The following ITFG2 variants were observed in gnomAD, a reference collection of about 807,000 sequenced individuals.
The protein encoded by ITFG2 is KICSTOR complex protein ITFG2.
Under a neutral mutation model 54.4 loss-of-function variants are expected in ITFG2, and 36 were observed. The observed-to-expected ratio is 0.66, with a 90% CI of 0.51 to 0.87. The LOEUF (loss-of-function observed/expected upper bound fraction) is 0.87, where lower values mean the gene tolerates loss of function less well. Ranked by LOEUF, ITFG2 falls within the 40% of genes least tolerant of loss-of-function variation. The probability of loss-of-function intolerance (pLI) is 0.00; values close to 1 mark genes in which losing one functional copy is unlikely to be tolerated. For synonymous variants in ITFG2, 211 were observed against 225.4 expected (o/e 0.94, Z 0.57); for missense variants, 524 against 576.7 (o/e 0.91, Z 0.94).
chr12:2,838,678 AAGCAAGT>A (rs2098034109), intron 1 of ITFG2, among the ~76,000 whole-genome samples: 3 of 152,138 alleles, frequency 2.0e-5, no homozygotes. Flanking sequence ...TCTGTAACCC[AAGCAAGT>A]ACTGTCTCAC....
In ITFG2 at chr12:2,812,873, C is replaced by A; in HGVS notation, c.96+17C>A. On this transcript the variant is annotated intron_variant, in intron 1 of 11. Transcript: ENST00000228799. ...AACGATACGGTAGGTGCATGCGCAC[C>A]GCAAGAGACAGCCTGGATCTGTGCA... 2.5e-6 allele frequency: 4 copies of A among 1,593,546 alleles called. No homozygotes were observed. The highest frequency in any genetic ancestry group is 3.4e-6 in the Non-Finnish European group (4 of 1,164,572).
chr12:2,851,348 T>C (rs1444345914), intron 2 of ITFG2, among the ~76,000 whole-genome samples: 1 of 152,084 alleles, frequency 6.6e-6, no homozygotes, highest in African/African-American at 2.4e-5. Flanking sequence ...ACTAAATTTA[T>C]TTATTTATTT....
Position 2,843,685 on chromosome 12 carries a change from C to T in ITFG2, n.300+2690C>T, listed in dbSNP as rs190643441. Among the ~76,000 whole-genome samples, 71 of 152,218 alleles carry T rather than the reference C, an allele frequency of 4.7e-4. 1 individual carries two copies. Among genetic ancestry groups the T allele is most frequent in the Non-Finnish European group, 8.5e-4 (58 of 67,996 alleles). ...AAAATTAGGTGGGCATGGTGGCGTG[C>T]GCCCATAGTCCCAGCTACTCAGGAA... On this transcript the variant is annotated intron_variant and non_coding_transcript_variant, in intron 2 of 3. Transcript: ENST00000537710.
chr12:2,857,084 A>G (rs1412876411), intron 2 of ITFG2: 2 of 702,676 alleles, frequency 2.8e-6, no homozygotes, highest in Admixed American at 2.0e-5. Flanking sequence ...TTCTGGCACC[A>G]TTGTTTACTC....
intron 3 of ITFG2, chr12:2,858,743 G>T (rs759483249): frequency 2.0e-5 from 33 of 1,614,122 alleles, no homozygotes; most frequent in Non-Finnish European, 2.8e-5. Flanking sequence ...TGCTGAGGCT[G>T]TCATTCATTG....
chr12:2,846,043 C>T (rs757411996), intron 2 of ITFG2, among the ~76,000 whole-genome samples: 12 of 152,122 alleles, frequency 7.9e-5, no homozygotes, highest in Admixed American at 2.6e-4. Context: ...CCCGGAAGGT[C>T]GCGTGCTTGC....
At chr12:2,826,480 G>C, downstream of ITFG2, 1 of 152,150 alleles carries the variant, frequency 6.6e-6, no homozygotes, top group East Asian at 1.9e-4. Flanking sequence ...GGCTCGGTGG[G>C]TACAAAAAGC....
At position 2,824,638 on chromosome 12, in the gene ITFG2, CGTTAGTAATT is replaced by C. The variant is rs1476319136; in HGVS notation, c.*450_*459del. ...CCGTGGCACAATTCCAAGTTCTTGA[CGTTAGTAATT>C]GTTAAAGGAATGGCAAACTGTTTTG... is the stretch of plus-strand genomic sequence containing the variant. On this transcript the variant is annotated 3_prime_UTR_variant, in exon 12 of 12. Transcript: ENST00000228799. The C allele has an allele frequency of 1.0e-5, 2 of 194,560 alleles. No homozygotes were observed. The highest frequency in any genetic ancestry group is 4.7e-5 in the African/African-American group (2 of 42,914). The allele number at this position is 194,560 out of a possible 1,614,324, so 12.1% of individuals were successfully genotyped here. A position where few individuals can be genotyped will look rare whatever the true frequency, so the allele number is the denominator to read the frequency against.
At chr12:2,855,179 T>C in intron 2 of ITFG2, 1 of 1,507,136 alleles carries the variant, frequency 6.6e-7, no homozygotes, top group Non-Finnish European at 8.9e-7. Context: ...TCGTAGGGCC[T>C]GTCAGGCTGG....
At chr12:2,834,839 C>T (rs1482050857), upstream of ITFG2, 6 of 1,613,606 alleles carry the variant, frequency 3.7e-6, no homozygotes, top group Admixed American at 8.3e-5. Context: ...CTCATGGCCC[C>T]TGCTGGAGGA....
chr12:2,839,413 TAGA>T (rs968260612), intron 1 of ITFG2, among the ~76,000 whole-genome samples: 106 of 152,298 alleles, frequency 7.0e-4, no homozygotes, highest in African/African-American at 2.4e-3. Context: ...CCGTTAGGAG[TAGA>T]AGAAGTGAGC....
At position 2,858,619 on chromosome 12, in the gene ITFG2, C is replaced by T. The variant is rs748971173; in HGVS notation, n.620+288C>T. 3.7e-6 allele frequency: 6 copies of T among 1,604,634 alleles called. No individual in the cohort carries two copies. The Admixed American group carries it at 6.7e-5, about 18-fold the overall frequency. On this transcript the variant is annotated intron_variant and non_coding_transcript_variant, in intron 3 of 3. Coordinates refer to the ITFG2 transcript ENST00000537710. ...CCCGGGATGGTGGACAGCTTGAGCA[C>T]AGGGGCAAGGGCAGGGCTCTACTGT...
At chr12:2,830,785 G>C (rs746985537) in intron 2 of ITFG2, 2 of 1,613,758 alleles carry the variant, frequency 1.2e-6, no homozygotes, top group Non-Finnish European at 1.7e-6. Context: ...ATCAGGTCCT[G>C]CATCCGGGGA....
At chr12:2,813,548 T>G (rs773558129) in intron 1 of ITFG2, among the ~76,000 whole-genome samples, 1 of 152,274 alleles carries the variant, frequency 6.6e-6, no homozygotes, top group East Asian at 1.9e-4. Context: ...TAAAATGTAA[T>G]GAGATGCATT....
intron 2 of ITFG2, among the ~76,000 whole-genome samples, chr12:2,848,866 G>GACACACACGC (rs1565446522): frequency 4.3e-5 from 5 of 115,874 alleles, no homozygotes; most frequent in African/African-American, 1.7e-4. Flanking sequence ...CACCCCAACA[G>GACACACACGC]ACACACACAC....
At chr12:2,855,136 T>C (rs1333854175) in intron 2 of ITFG2, 3 of 1,531,012 alleles carry the variant, frequency 2.0e-6, no homozygotes, top group South Asian at 1.2e-5. Context: ...TCTGTGGGCA[T>C]TGGAGTCGGT....
At chr12:2,856,931 C>T (rs778600897) in intron 2 of ITFG2, 23 of 702,902 alleles carry the variant, frequency 3.3e-5, no homozygotes, top group Non-Finnish European at 4.4e-5. Flanking sequence ...AAAAGGTAGG[C>T]GGCAGAGATG....
At chr12:2,820,532 C>T (rs879481746) in intron 5 of ITFG2, among the ~76,000 whole-genome samples, 192 bp from the exon 6 acceptor site, 2 of 152,012 alleles carry the variant, frequency 1.3e-5, no homozygotes, top group Admixed American at 1.3e-4. Flanking sequence ...GTGGAGAGGA[C>T]GGTGCCAGGC....
chr12:2,844,399 C>T (rs900639273), intron 2 of ITFG2, among the ~76,000 whole-genome samples: 2 of 152,036 alleles, frequency 1.3e-5, no homozygotes, highest in African/African-American at 2.4e-5. Flanking sequence ...ACTAAAAATA[C>T]AAAAATTAGC....
Sources: allele counts gnomAD v4.1 joint callset (sites outside exome capture counted in the v4.1 genomes callset), GRCh38; gene constraint gnomAD v4.1.1; transcripts MANE v1.5; gene names NCBI Gene and HGNC (gene_info 2026-07-23, HGNC 2026-07-21).